The following WASHC2C variants were observed in gnomAD, a reference collection of about 807,000 sequenced individuals.
WASHC2C encodes the protein Vaccinia Penetration Factor.
Under a neutral mutation model 142.2 loss-of-function variants are expected in WASHC2C, and 73 were observed. That is an observed-to-expected ratio of 0.51 (90% confidence interval 0.43 to 0.62). The LOEUF (loss-of-function observed/expected upper bound fraction) is 0.62, where lower values mean the gene tolerates loss of function less well. Ranked by LOEUF, WASHC2C falls within the 20% of genes least tolerant of loss-of-function variation. WASHC2C has a pLI of 0.00. For missense variants in WASHC2C, 969 were observed against 1,531.7 expected, an observed-to-expected ratio of 0.63 and a Z score of 6.13; for synonymous variants, 337 against 565.5, an observed-to-expected ratio of 0.60 and a Z score of 5.73.
At chr10:45,742,197 CCTCA>C (rs1425197322) in intron 5 of WASHC2C, among the ~76,000 whole-genome samples, 1 of 152,224 alleles carries the variant, frequency 6.6e-6, no homozygotes, top group African/African-American at 2.4e-5. Context: ...AGTCTCCTGC[CCTCA>C]CTCTGTTTTC....
intron 3 of WASHC2C, among the ~76,000 whole-genome samples, chr10:45,734,977 A>G (rs2051042452): frequency 1.3e-5 from 2 of 152,028 alleles, no homozygotes; most frequent in South Asian, 4.2e-4. Context: ...TTCTTCATTG[A>G]CTATTATGTA....
chr10:45,727,251 C>T (rs1715409136), upstream of WASHC2C: 2 of 1,534,100 alleles, frequency 1.3e-6, no homozygotes, highest in South Asian at 1.2e-5. Context: ...TGGGGCTAGG[C>T]TTCCGGGGCT....
intron 23 of WASHC2C, among the ~76,000 whole-genome samples, chr10:45,780,754 CTTT>C (rs1195938940): frequency 2.3e-5 from 3 of 128,804 alleles, no homozygotes; most frequent in Non-Finnish European, 3.4e-5. Flanking sequence ...TAGTAACTTT[CTTT>C]TTTTTTTTTT....
At chr10:45,779,933 C>T (rs1216207300) in intron 23 of WASHC2C, among the ~76,000 whole-genome samples, 291 of 150,562 alleles carry the variant, frequency 1.9e-3, no homozygotes, top group African/African-American at 6.5e-3. Flanking sequence ...TGTAGTGAGC[C>T]GAGATCGCAC....
At chr10:45,748,585 C>G (rs1424172317) in intron 8 of WASHC2C, among the ~76,000 whole-genome samples, 1 of 152,084 alleles carries the variant, frequency 6.6e-6, no homozygotes, top group South Asian at 2.1e-4. Context: ...CCACCACGCC[C>G]GGCCACAAAC....
chr10:45,783,605 C>T (rs1554888608), intron 23 of WASHC2C, among the ~76,000 whole-genome samples: 1 of 152,102 alleles, frequency 6.6e-6, no homozygotes, highest in Non-Finnish European at 1.5e-5. Context: ...GAACCACAGG[C>T]ACACGCCACC....
intron 19 of WASHC2C, among the ~76,000 whole-genome samples, chr10:45,766,999 G>A (rs2055910670): frequency 6.6e-6 from 1 of 152,180 alleles, no homozygotes; most frequent in Non-Finnish European, 1.5e-5. Context: ...GGGCGTGGTA[G>A]CTCACGTCTG....
intron 23 of WASHC2C, among the ~76,000 whole-genome samples, chr10:45,784,009 C>T (rs1254932377): frequency 6.6e-6 from 1 of 151,954 alleles, no homozygotes; most frequent in Non-Finnish European, 1.5e-5. Context: ...GTGAGGGACA[C>T]ATACTTGACC....
At chr10:45,749,877 AT>A (rs1176543796) in intron 8 of WASHC2C, among the ~76,000 whole-genome samples, 33 of 128,758 alleles carry the variant, frequency 2.6e-4, no homozygotes, top group African/African-American at 4.3e-4. Flanking sequence ...ATATATTTAT[AT>A]TTTATATATA....
chr10:45,786,845 T>G (rs1441986555), intron 27 of WASHC2C, 171 bp downstream of exon 27: 14 of 1,547,272 alleles, frequency 9.0e-6, no homozygotes, highest in Non-Finnish European at 1.2e-5. Context: ...ATCTATTCTT[T>G]GAGCCCAGTG....
rs1363442070 is a variant in WASHC2C, at chr10:45,772,120, T to G, written c.2040-1136T>G. The stretch of plus-strand genomic sequence containing the variant: ...GAACATGAATGAACCTAGAAAATTT[T>G]ATGTTACTTGAAAGAAGCTGGTCAC... On this transcript the variant is annotated intron_variant, in intron 20 of 30. Transcript: ENST00000623400. Among the ~76,000 whole-genome samples the G allele has an allele frequency of 2.0e-5, 3 of 152,182 alleles. No individual in the cohort carries two copies. The East Asian group carries it at 5.8e-4, about 29-fold the overall frequency.
At chr10:45,744,519 A>G (rs1446696706) in intron 6 of WASHC2C, among the ~76,000 whole-genome samples, 2 of 150,222 alleles carry the variant, frequency 1.3e-5, no homozygotes, top group Admixed American at 6.7e-5. Flanking sequence ...TCAAATCTTC[A>G]GTTATCTTTT....
At chr10:45,739,462 AGG>A (rs1462551362) in intron 4 of WASHC2C, among the ~76,000 whole-genome samples, 1 of 151,646 alleles carries the variant, frequency 6.6e-6, no homozygotes, top group Non-Finnish European at 1.5e-5. Flanking sequence ...AAGACACCTG[AGG>A]GAGATTCTCA....
At chr10:45,758,824 T>A (rs1309304537) in intron 16 of WASHC2C, among the ~76,000 whole-genome samples, 5 of 150,088 alleles carry the variant, frequency 3.3e-5, no homozygotes, top group African/African-American at 9.8e-5. Context: ...ATCATTCTTT[T>A]TGATGCTCAG....
chr10:45,775,751 G>T (rs1231367218), intron 21 of WASHC2C, among the ~76,000 whole-genome samples: 1 of 143,654 alleles, frequency 7.0e-6, no homozygotes, highest in Non-Finnish European at 1.5e-5. Flanking sequence ...GGCGCATCTC[G>T]GCTCACTGCA....
At chr10:45,727,621 C>T in intron 2 of WASHC2C, 82 bp downstream of exon 2, 5 of 1,437,258 alleles carry the variant, frequency 3.5e-6, no homozygotes, top group South Asian at 1.4e-5. Flanking sequence ...GCGACTGCCC[C>T]TGCACCTGGC....
At chr10:45,758,597 ATTC>A (rs1234654970) in intron 16 of WASHC2C, among the ~76,000 whole-genome samples, 14 of 142,522 alleles carry the variant, frequency 9.8e-5, no homozygotes, top group South Asian at 4.3e-4. Context: ...CATTACCATC[ATTC>A]TTCTTCTTTT....
chr10:45,764,447 G>T (rs1554881414), intron 18 of WASHC2C, among the ~76,000 whole-genome samples: 1 of 151,668 alleles, frequency 6.6e-6, no homozygotes, highest in African/African-American at 2.4e-5. Context: ...TTAGTCTAGA[G>T]GATGGATCAA....
chr10:45,771,595 C>G, intron 20 of WASHC2C: 1 of 973,256 alleles, frequency 1.0e-6, no homozygotes, highest in Non-Finnish European at 1.2e-6. Flanking sequence ...GGTCCTGGTT[C>G]CAGCCACACA....
Sources: gnomAD v4.1 joint callset for allele counts (sites outside exome capture counted in the v4.1 genomes callset) on GRCh38, gnomAD v4.1.1 for gene constraint, MANE v1.5 for transcripts, NCBI Gene and HGNC (gene_info 2026-07-23, HGNC 2026-07-21) for gene names.